The following NELL2 variants were observed in gnomAD, a reference collection of about 807,000 sequenced individuals.
The protein encoded by NELL2 is neural EGFL like 2.
In NELL2, 41 loss-of-function variants were observed where a neutral mutation model predicts 109.6. The observed-to-expected ratio is 0.37, with a 90% confidence interval of 0.29 to 0.49. The LOEUF (loss-of-function observed/expected upper bound fraction) is 0.49. Ranked by LOEUF, NELL2 falls within the 20% of genes least tolerant of loss-of-function variation. NELL2 has a pLI of 0.98. For missense variants in NELL2, 900 were observed against 1,008.3 expected, an observed-to-expected ratio of 0.89 and a Z score of 1.45; for synonymous variants, 355 against 344.7, an observed-to-expected ratio of 1.03 and a Z score of -0.33.
chr12:44,550,690 A>G (rs1196661138), intron 15 of NELL2, among the ~76,000 whole-genome samples: 1 of 152,214 alleles, frequency 6.6e-6, no homozygotes, highest in Non-Finnish European at 1.5e-5. Context: ...AGCATTAAAA[A>G]GGAAGAAAAT....
intron 19 of NELL2, among the ~76,000 whole-genome samples, chr12:44,517,671 T>C (rs1162486700): frequency 6.6e-6 from 1 of 152,046 alleles, no homozygotes; most frequent in Non-Finnish European, 1.5e-5. Flanking sequence ...ATTTTCATAT[T>C]ATTTAATTTT....
chr12:44,749,362 C>T (rs754991860), intron 9 of NELL2, among the ~76,000 whole-genome samples: 13 of 152,090 alleles, frequency 8.5e-5, no homozygotes, highest in Non-Finnish European at 1.3e-4. Flanking sequence ...AGAAAGAATG[C>T]AAATTTTTGT....
intron 12 of NELL2, among the ~76,000 whole-genome samples, chr12:44,672,294 C>G (rs1431175273): frequency 2.6e-5 from 4 of 152,164 alleles, no homozygotes; most frequent in Non-Finnish European, 5.9e-5. Context: ...TGTCTGAGCT[C>G]CTTCTCCTGT....
At chr12:44,735,832 A>G in intron 9 of NELL2, among the ~76,000 whole-genome samples, 1 of 152,038 alleles carries the variant, frequency 6.6e-6, no homozygotes, top group Non-Finnish European at 1.5e-5. Flanking sequence ...ATGTGGTTCA[A>G]ATAACTTAGC....
intron 3 of NELL2, among the ~76,000 whole-genome samples, chr12:44,812,406 A>C (rs971578081): frequency 2.4e-4 from 36 of 152,308 alleles, no homozygotes; most frequent in African/African-American, 8.4e-4. Flanking sequence ...CCTTGACCAC[A>C]AAAGGCCATA....
chr12:44,741,992 T>G (rs2084614), intron 9 of NELL2, among the ~76,000 whole-genome samples: 107,472 of 152,040 alleles, frequency 0.71, 38,216 homozygotes, highest in Non-Finnish European at 0.74. Context: ...TTTGAGATCT[T>G]AGAACTGGCA....
intron 2 of NELL2, among the ~76,000 whole-genome samples, chr12:44,852,457 G>C (rs899686284): frequency 4.6e-5 from 7 of 152,088 alleles, no homozygotes; most frequent in Non-Finnish European, 8.8e-5. Flanking sequence ...GAAAAGCTTT[G>C]TTACACACAG....
intron 15 of NELL2, among the ~76,000 whole-genome samples, chr12:44,556,255 G>A (rs953892643): frequency 3.3e-5 from 5 of 152,154 alleles, no homozygotes; most frequent in Non-Finnish European, 7.4e-5. Context: ...TGGGCACTGT[G>A]GATGCAGCAA....
At chr12:44,617,691 C>CAAAAAAAAAAAAAAAAAAA (rs975070930) in intron 13 of NELL2, among the ~76,000 whole-genome samples, 30 of 22,326 alleles carry the variant, frequency 1.3e-3, no homozygotes, top group East Asian at 2.7e-3. Flanking sequence ...GACTCCGTCT[C>CAAAAAAAAAAAAAAAAAAA]AAAAAAAAAA....
At chr12:44,736,322 T>A (rs979312286) in intron 9 of NELL2, among the ~76,000 whole-genome samples, 3 of 151,932 alleles carry the variant, frequency 2.0e-5, no homozygotes, top group African/African-American at 7.3e-5. Context: ...TTTATTTTTT[T>A]AAAAAAAGCA....
chr12:44,729,269 A>C (rs1175844210), intron 9 of NELL2, among the ~76,000 whole-genome samples: 1 of 152,144 alleles, frequency 6.6e-6, no homozygotes, highest in African/African-American at 2.4e-5. Flanking sequence ...AAATAAAGTT[A>C]AGTTGTTATC....
intron 13 of NELL2, among the ~76,000 whole-genome samples, chr12:44,662,855 G>A (rs550715462): frequency 6.6e-6 from 1 of 152,268 alleles, no homozygotes; most frequent in East Asian, 1.9e-4. Flanking sequence ...TAACAGGAAA[G>A]AAGGGCAGGG....
At chr12:44,672,421 A>C (rs936341805) in intron 12 of NELL2, among the ~76,000 whole-genome samples, 1 of 152,122 alleles carries the variant, frequency 6.6e-6, no homozygotes, top group Non-Finnish European at 1.5e-5. Flanking sequence ...TGATGATCTG[A>C]GGTATAACAG....
chr12:44,723,379 A>G lies in NELL2; in HGVS notation c.995-8638T>C, dbSNP rs148503648. On this transcript the variant is annotated intron_variant, in intron 9 of 19. Coordinates refer to ENST00000429094, the MANE Select transcript of NELL2 (RefSeq NM_001145108.2). ...ACATTTGAATAGAGGCAGTCCAGAG[A>G]TATTCAGTAGAAGCCTTTTTATCCT... Among the ~76,000 whole-genome samples, 124 of 152,326 alleles carry G rather than the reference A, an allele frequency of 8.1e-4. 1 individual carries two copies. Among genetic ancestry groups the G allele is most frequent in the Admixed American group, 3.7e-3 (56 of 15,298 alleles).
upstream of NELL2, among the ~76,000 whole-genome samples, chr12:44,916,126 C>G (rs1231417660): frequency 2.0e-5 from 3 of 152,108 alleles, no homozygotes; most frequent in Admixed American, 6.5e-5. Flanking sequence ...CATAATTTAA[C>G]AAGTAACATG....
At chr12:44,842,629 A>G (rs752683563) in intron 2 of NELL2, among the ~76,000 whole-genome samples, 28 of 152,336 alleles carry the variant, frequency 1.8e-4, no homozygotes, top group East Asian at 3.9e-4. Flanking sequence ...TCATCAAAAG[A>G]CTTCATTAAG....
intron 13 of NELL2, among the ~76,000 whole-genome samples, chr12:44,651,421 TAC>T (rs1178919783): frequency 6.6e-6 from 1 of 152,234 alleles, no homozygotes; most frequent in Non-Finnish European, 1.5e-5. Flanking sequence ...TTTTCTGTTA[TAC>T]ACTTTGCAAT....
At chr12:44,745,426 A>G (rs186385765) in intron 9 of NELL2, among the ~76,000 whole-genome samples, 301 of 152,282 alleles carry the variant, frequency 2.0e-3, no homozygotes, top group African/African-American at 7.0e-3. Context: ...CTCCTATTCA[A>G]CATAGTGTTG....
chr12:44,610,856 G>A lies in NELL2; in HGVS notation c.1559C>T (p.Thr520Ile). ...GCATTTAAACCTTTTACCTTTGCAT[G>A]TCGTTCCATTCCCTGTATAGCCCGG... ...CKPGYTGNGT[T>I]CKAFCKDGCR... The change falls in exon 14 of 20, where the codon ACA (threonine) becomes ATA (isoleucine). Residue 520 changes from threonine (T) to isoleucine (I), a missense_variant. Thr to Ile is a moderately conservative substitution (Grantham distance 89). Coordinates refer to ENST00000429094, the MANE Select transcript of NELL2 (RefSeq NM_001145108.2). 6.2e-7 allele frequency: 1 copy of A among 1,612,952 alleles called. No homozygotes were observed. Among genetic ancestry groups the A allele is most frequent in the Non-Finnish European group, 8.5e-7 (1 of 1,179,222 alleles).
Sources: gnomAD v4.1 joint callset for allele counts (sites outside exome capture counted in the v4.1 genomes callset) on GRCh38, gnomAD v4.1.1 for gene constraint, MANE v1.5 for transcripts, NCBI Gene and HGNC (gene_info 2026-07-23, HGNC 2026-07-21) for gene names.